Variants in PTCHD1 observed in about 807,000 individuals in gnomAD.
The protein encoded by PTCHD1 is patched domain-containing protein 1.
A neutral mutation model predicts 34.6 loss-of-function variants in PTCHD1; 3 were observed. The observed-to-expected ratio is 0.09, with a 90% CI of 0.04 to 0.22. The LOEUF (loss-of-function observed/expected upper bound fraction) is 0.22. PTCHD1 is among the 10% of genes least tolerant of loss of function. The probability of loss-of-function intolerance (pLI) is 1.00; values close to 1 mark genes in which losing one functional copy is unlikely to be tolerated. For missense variants in PTCHD1, 504 were observed against 685.5 expected, an observed-to-expected ratio of 0.74 and a Z score of 2.96; for synonymous variants, 305 against 283.1, an observed-to-expected ratio of 1.08 and a Z score of -0.77.
At chrX:23,383,614 A>G (rs930791088) in intron 2 of PTCHD1, among the ~76,000 whole-genome samples, 1 of 111,798 alleles carries the variant, frequency 8.9e-6, no homozygotes, top group African/African-American at 3.2e-5. Context: ...CATTTTGGCA[A>G]TGATGTAAGC....
chrX:23,359,140 T>C lies in PTCHD1; in HGVS notation c.352-20451T>C, dbSNP rs764319306. 8.0e-5 allele frequency among the ~76,000 whole-genome samples: 9 copies of C among 112,581 alleles called. No individual in the cohort carries two copies. The South Asian group carries it at 2.6e-3, about 32-fold the overall frequency. Reference sequence around the variant, plus strand: ...TGACTTGGCAATGCAGGCTCCTTTTTGGTTCCATATGAACTTTAAAGTAGT... The same window carrying C: ...TGACTTGGCAATGCAGGCTCCTTTTCGGTTCCATATGAACTTTAAAGTAGT... On this transcript the variant is annotated intron_variant, in intron 1 of 2. Coordinates refer to ENST00000379361, the MANE Select transcript of PTCHD1 (RefSeq NM_173495.3).
chrX:23,351,746 T>C (rs985509057), intron 1 of PTCHD1, among the ~76,000 whole-genome samples: 1 of 112,523 alleles, frequency 8.9e-6, no homozygotes, highest in Non-Finnish European at 1.9e-5. Context: ...CCATTGAATT[T>C]ATCTTCTTAG....
At position 23,394,307 on chromosome X, in the gene PTCHD1, A is replaced by C; in HGVS notation, c.*122A>C. 2.2e-6 allele frequency: 1 copy of C among 457,066 alleles called. No homozygotes were observed. 37.7% of individuals were successfully genotyped at this position (457,066 alleles called of 1,213,427 possible). A position where few individuals can be genotyped will look rare whatever the true frequency, so the allele number is the denominator to read the frequency against. ...AGATAGGAAACAGGCATTGCCAAAA[A>C]AAAAAAAAAAAAAAAAAGGAAAGGA... On this transcript the variant is annotated 3_prime_UTR_variant, in exon 3 of 3. Coordinates refer to ENST00000379361, the MANE Select transcript of PTCHD1 (RefSeq NM_173495.3).
At chrX:23,384,425 TG>T (rs965457367) in intron 2 of PTCHD1, among the ~76,000 whole-genome samples, 2 of 112,062 alleles carry the variant, frequency 1.8e-5, no homozygotes, top group African/African-American at 6.5e-5. Flanking sequence ...AAAGAATTAG[TG>T]GATTATTTCT....
chrX:23,391,964 C>T (rs2146651040), intron 2 of PTCHD1, among the ~76,000 whole-genome samples: 2 of 110,945 alleles, frequency 1.8e-5, no homozygotes, highest in South Asian at 7.7e-4. Context: ...TCAAGAGATC[C>T]ACCTGCCTTA....
At chrX:23,348,260 G>A (rs1364342058) in intron 1 of PTCHD1, among the ~76,000 whole-genome samples, 3 of 87,587 alleles carry the variant, frequency 3.4e-5, no homozygotes, top group African/African-American at 1.5e-4. Context: ...AACACAAAGA[G>A]TTAAAAGAGA....
At chrX:23,342,310 A>ATATTT (rs1921357058) in intron 1 of PTCHD1, among the ~76,000 whole-genome samples, 4 of 12,939 alleles carry the variant, frequency 3.1e-4, no homozygotes, top group Admixed American at 9.8e-4. Context: ...ATATATATAT[A>ATATTT]TTTTTTTTTT....
chrX:23,393,362 A>T lies in PTCHD1; in HGVS notation c.1844A>T (p.Asn615Ile). 2 of 1,209,806 alleles carry T rather than the reference A, an allele frequency of 1.7e-6. No homozygotes were observed. Among genetic ancestry groups the T allele is most frequent in the Non-Finnish European group, 2.2e-6 (2 of 893,527 alleles). ...AAAAATTTCACAGACATGTTGAGGA[A>T]TTCCTTTCTGAAAGCCCCTCAATTT... ...PKKNFTDMLR[N>I]SFLKAPQFSH... The change falls in exon 3 of 3, where the codon AAT becomes ATT. Residue 615 changes from asparagine to isoleucine, a missense_variant. Coordinates refer to ENST00000379361, the MANE Select transcript of PTCHD1 (RefSeq NM_173495.3).
chrX:23,345,575 C>A (rs1464172429), intron 1 of PTCHD1, among the ~76,000 whole-genome samples: 1 of 112,005 alleles, frequency 8.9e-6, no homozygotes, highest in African/African-American at 3.3e-5. Context: ...TTGTTCGAAA[C>A]AGATTGTGGT....
At chrX:23,367,771 C>T (rs975905906) in intron 1 of PTCHD1, among the ~76,000 whole-genome samples, 6 of 111,463 alleles carry the variant, frequency 5.4e-5, no homozygotes. Context: ...GATAGTATCA[C>T]GTGCAATATT....
At position 23,398,997 on chromosome X, in the gene PTCHD1, C is replaced by T. The variant is rs1346871512; in HGVS notation, c.*4812C>T. 9.0e-6 allele frequency: 1 copy of T among 110,630 alleles called. No individual in the cohort carries two copies. Among genetic ancestry groups the T allele is most frequent in the African/African-American group, 3.3e-5 (1 of 30,391 alleles). The allele number at this position is 110,630 out of a possible 1,213,427, so 9.1% of individuals were successfully genotyped here. A position where few individuals can be genotyped will look rare whatever the true frequency, so the allele number is the denominator to read the frequency against. ...TTAGTACCACCTGATTAGGAGCCTACCTGGTGAGGAAAAAAGCCTTCTTTT... is the reference window on the plus strand; with the variant it reads ...TTAGTACCACCTGATTAGGAGCCTATCTGGTGAGGAAAAAAGCCTTCTTTT... On this transcript the variant is annotated 3_prime_UTR_variant, in exon 3 of 3. Transcript: ENST00000379361.
intron 1 of PTCHD1, among the ~76,000 whole-genome samples, chrX:23,375,312 C>G (rs553890557): frequency 1.2e-5 from 1 of 84,936 alleles, no homozygotes; most frequent in Admixed American, 1.4e-4. Flanking sequence ...TTTTTTGAGA[C>G]GGAGTCTCGT....
At position 23,344,057 on chromosome X, in the gene PTCHD1, A is replaced by T. The variant is rs1921412490; in HGVS notation, c.351+8831A>T. Reference sequence around the variant, plus strand: ...CTTGCTAAAATACAGACTGATTCAAAGGGTCTGGGGTGGGAACTGCAAGTC... The same window carrying T: ...CTTGCTAAAATACAGACTGATTCAATGGGTCTGGGGTGGGAACTGCAAGTC... On this transcript the variant is annotated intron_variant, in intron 1 of 2. Transcript: ENST00000379361. Among the ~76,000 whole-genome samples the T allele has an allele frequency of 2.7e-5, 3 of 112,297 alleles. No homozygotes were observed. The Admixed American group carries it at 2.8e-4, about 11-fold the overall frequency.
At position 23,351,273 on chromosome X, in the gene PTCHD1, C is replaced by G. The variant is rs141177714; in HGVS notation, c.351+16047C>G. 1.2e-4 allele frequency: 98 copies of G among 804,703 alleles called. No individual in the cohort carries two copies. In the East Asian group the frequency reaches 2.0e-3, roughly 17 times the overall value. The allele number at this position is 804,703 out of a possible 1,213,427, so 66.3% of individuals were successfully genotyped here. ...CTGCTCTATCCTCAGTTGACTCATT[C>G]ACTCTGTTCACACAAAAGATGTTGG... On this transcript the variant is annotated intron_variant, in intron 1 of 2. Transcript: ENST00000379361.
At chrX:23,361,984 C>T (rs1242593747) in intron 1 of PTCHD1, among the ~76,000 whole-genome samples, 1 of 112,626 alleles carries the variant, frequency 8.9e-6, no homozygotes, top group East Asian at 2.8e-4. Context: ...GGCCCCCACT[C>T]TCTTCTGGCT....
In PTCHD1 at chrX:23,402,555, A is replaced by G. The variant is rs1375971862; in HGVS notation, c.*8370A>G. On this transcript the variant is annotated 3_prime_UTR_variant, in exon 3 of 3. Transcript: ENST00000379361. ...AATCTATGTTTTTCTGAATAAAGAG[A>G]CCCCATATTCTCTTTTGAATTATTG... 2 of 111,641 alleles carry G rather than the reference A, an allele frequency of 1.8e-5. No homozygotes were observed. Among genetic ancestry groups the G allele is most frequent in the Non-Finnish European group, 3.8e-5 (2 of 53,073 alleles). The allele number at this position is 111,641 out of a possible 1,213,427, so 9.2% of individuals were successfully genotyped here.
At chrX:23,377,899 A>G (rs1367103627) in intron 1 of PTCHD1, among the ~76,000 whole-genome samples, 2 of 111,941 alleles carry the variant, frequency 1.8e-5, no homozygotes, top group Admixed American at 9.5e-5. Context: ...AAAATATATC[A>G]GGATCATGGA....
At chrX:23,342,310 A>ATATATATT (rs1921357058) in intron 1 of PTCHD1, among the ~76,000 whole-genome samples, 4 of 12,927 alleles carry the variant, frequency 3.1e-4, no homozygotes, top group Non-Finnish European at 4.3e-4. Context: ...ATATATATAT[A>ATATATATT]TTTTTTTTTT....
At chrX:23,370,514 G>A (rs5971110) in intron 1 of PTCHD1, among the ~76,000 whole-genome samples, 26,249 of 111,257 alleles carry the variant, frequency 0.24, 2,214 homozygotes, top group Admixed American at 0.28. Context: ...TTGTCAGGAA[G>A]AAATGCACTG....
Sources: gnomAD v4.1 joint callset for allele counts (sites outside exome capture counted in the v4.1 genomes callset) on GRCh38, gnomAD v4.1.1 for gene constraint, MANE v1.5 for transcripts, NCBI Gene and HGNC (gene_info 2026-07-23, HGNC 2026-07-21) for gene names.